The following BRCA1 variants were observed in gnomAD, a reference collection of about 807,000 sequenced individuals.
BRCA1 encodes the protein BRCA1 DNA repair associated.
In BRCA1, 140 loss-of-function variants were observed where a neutral mutation model predicts 173.7. The observed-to-expected ratio is 0.81, with a 90% CI of 0.70 to 0.93. The LOEUF is 0.93. Among genes scored for constraint, BRCA1 ranks in the 40% least tolerant of loss-of-function variants. The pLI is 0.00. For missense variants in BRCA1, 1,983 were observed against 2,172.5 expected (o/e 0.91, Z 1.73); for synonymous variants, 662 against 756.0 (o/e 0.88, Z 2.04).
chr17:43,071,251 G>C lies in BRCA1; in HGVS notation c.4676-13C>G, dbSNP rs2153903443. 1.2e-6 allele frequency: 2 copies of C among 1,612,434 alleles called. No individual in the cohort carries two copies. Among genetic ancestry groups the C allele is most frequent in the Non-Finnish European group, 1.7e-6 (2 of 1,178,650 alleles). ...TAAGGGGTTCCCTCTGAAAGGAATG[G>C]GAGAAGTTTAATTTACACAACGATG... On this transcript the variant is annotated splice_polypyrimidine_tract_variant and intron_variant, in intron 14 of 22. Coordinates refer to ENST00000357654, the MANE Select transcript of BRCA1 (RefSeq NM_007294.4).
upstream of BRCA1, among the ~76,000 whole-genome samples, chr17:43,128,165 C>T (rs2055931473): frequency 6.6e-6 from 1 of 152,068 alleles, no homozygotes; most frequent in Non-Finnish European, 1.5e-5. Context: ...TTTGGGTCCG[C>T]ATAGCATTTA....
Position 43,044,611 on chromosome 17 carries a change from G to A in BRCA1, c.*1067C>T, listed in dbSNP as rs1202035572. The A allele has an allele frequency of 2.0e-6, 1 of 503,542 alleles. No homozygotes were observed. Among genetic ancestry groups the A allele is most frequent in the Admixed American group, 2.3e-5 (1 of 43,898 alleles). 31.2% of individuals were successfully genotyped at this position (503,542 alleles called of 1,614,324 possible). A position where few individuals can be genotyped will look rare whatever the true frequency, so the allele number is the denominator to read the frequency against. ...TAGATATGAAATATTCATGCCAGAG[G>A]TCTTATATTTTAAGAGGAATGGATT... On this transcript the variant is annotated 3_prime_UTR_variant, in exon 23 of 23. Transcript: ENST00000357654.
intron 11 of BRCA1, among the ~76,000 whole-genome samples, chr17:43,084,031 ATT>A (rs571319167): frequency 1.1e-4 from 14 of 123,252 alleles, no homozygotes; most frequent in Admixed American, 8.0e-5. Flanking sequence ...TGCCCGACTA[ATT>A]TTTTTTTTTT....
rs138103028 is a variant in BRCA1, at chr17:43,161,884, G to A, written c.-20+8242C>T. The A allele has an allele frequency of 1.9e-4, 29 of 152,178 alleles. No homozygotes were observed. In the East Asian group the frequency reaches 4.2e-3, roughly 22 times the overall value. 9.4% of individuals were successfully genotyped at this position (152,178 alleles called of 1,614,324 possible). A position where few individuals can be genotyped will look rare whatever the true frequency, so the allele number is the denominator to read the frequency against. Reference sequence around the variant, plus strand: ...CAGTGAGAGACTGGGCTACATGCTCGGCTAATTGCAAAAACAAATTTCTTG... The same window carrying A: ...CAGTGAGAGACTGGGCTACATGCTCAGCTAATTGCAAAAACAAATTTCTTG... On this transcript the variant is annotated intron_variant, in intron 1 of 7. Coordinates refer to the BRCA1 transcript ENST00000634433.
chr17:43,064,733 A>G (rs1036385862), intron 16 of BRCA1, among the ~76,000 whole-genome samples: 3 of 151,980 alleles, frequency 2.0e-5, no homozygotes, highest in Admixed American at 1.3e-4. Flanking sequence ...ATTTAGTAAC[A>G]TTTATTACAC....
At chr17:43,126,562 T>C (rs1454819725), upstream of BRCA1, among the ~76,000 whole-genome samples, 1 of 152,192 alleles carries the variant, frequency 6.6e-6, no homozygotes, top group Non-Finnish European at 1.5e-5. Context: ...TTTCCGTGTC[T>C]CCGGACAGCT....
chr17:43,045,152 A>C lies in BRCA1; in HGVS notation c.*526T>G, dbSNP rs1302206311. The C allele has an allele frequency of 1.9e-6, 1 of 534,910 alleles. No individual in the cohort carries two copies. 33.1% of individuals were successfully genotyped at this position (534,910 alleles called of 1,614,324 possible). ...ATACCTGCCTCAGAATTTCCTCCCC[A>C]ATGTTCCACTCCAACATTTGAGAAC... On this transcript the variant is annotated 3_prime_UTR_variant, in exon 23 of 23. Coordinates refer to ENST00000357654, the MANE Select transcript of BRCA1 (RefSeq NM_007294.4).
At chr17:43,100,983 G>A (rs1283959501) in intron 6 of BRCA1, among the ~76,000 whole-genome samples, 5 of 151,040 alleles carry the variant, frequency 3.3e-5, no homozygotes, top group African/African-American at 7.3e-5. Context: ...TGCCTGCCTC[G>A]GCCTCCCAAA....
At position 43,093,385 on chromosome 17, in the gene BRCA1, T is replaced by C. The variant is rs2053817086; in HGVS notation, c.2146A>G (p.Ser716Gly). 1.2e-6 allele frequency: 2 copies of C among 1,613,966 alleles called. No individual in the cohort carries two copies. Among genetic ancestry groups the C allele is most frequent in the South Asian group, 2.2e-5 (2 of 91,084 alleles). ...GGATTGACAAATTCTTTAAGTTCAC[T>C]GGTATTTGAACACTTAGTAAAAGAA... Reference protein sequence around the residue: ...PGSFTKCSNTSELKEFVNPSL... With the variant: ...PGSFTKCSNTGELKEFVNPSL... The change falls in exon 10 of 23, where the codon AGT becomes GGT. Residue 716 changes from serine to glycine, a missense_variant. Coordinates refer to ENST00000357654, the MANE Select transcript of BRCA1 (RefSeq NM_007294.4).
In BRCA1 at chr17:43,045,705, T is replaced by TAGG; in HGVS notation, c.5564_5565insCCT (p.Ile1855_Pro1856insLeu). 6.2e-7 allele frequency: 1 copy of TAGG among 1,613,442 alleles called. No homozygotes were observed. The highest frequency in any genetic ancestry group is 8.5e-7 in the Non-Finnish European group (1 of 1,179,714). ...AGTAGTGGCTGTGGGGGATCTGGGG[T>TAGG]ATCAGGTAGGTGTCCAGCTCCTGGC... On this transcript the variant is annotated inframe_insertion, in exon 23 of 23. Coordinates refer to ENST00000357654, the MANE Select transcript of BRCA1 (RefSeq NM_007294.4).
rs780952576 is a variant in BRCA1 at position 43,094,636 on chromosome 17, C to A, written c.895G>T (p.Val299Leu). The A allele has an allele frequency of 6.2e-7, 1 of 1,614,160 alleles. No homozygotes were observed. The highest frequency in any genetic ancestry group is 1.1e-5 in the South Asian group (1 of 91,080). ...SLLLTKDRMNVEKAEFCNKSK... is the reference protein window; with the variant it reads ...SLLLTKDRMNLEKAEFCNKSK... ...TTATTACAGAATTCAGCCTTTTCTA[C>A]ATTCATTCTGTCTTTAGTGAGTAAT... Residue 299 changes from valine (V) to leucine (L), a missense_variant, in exon 10 of 23, where the codon GTA (valine) becomes TTA (leucine). Val to Leu is a conservative substitution (Grantham distance 32). Coordinates refer to ENST00000357654, the MANE Select transcript of BRCA1 (RefSeq NM_007294.4).
At chr17:43,135,152 C>T (rs1057111032) in intron 1 of BRCA1, among the ~76,000 whole-genome samples, 7 of 152,266 alleles carry the variant, frequency 4.6e-5, no homozygotes, top group South Asian at 4.1e-4. Context: ...CGCCTGAAGA[C>T]GCCTTAGGCG....
chr17:43,073,141 C>T (rs2052530436), intron 14 of BRCA1, among the ~76,000 whole-genome samples: 2 of 151,982 alleles, frequency 1.3e-5, no homozygotes, highest in Admixed American at 6.5e-5. Context: ...AGACCAGCCT[C>T]GGCAACATAA....
At chr17:43,098,440 C>T (rs1390413182) in intron 7 of BRCA1, among the ~76,000 whole-genome samples, 1 of 151,992 alleles carries the variant, frequency 6.6e-6, no homozygotes, top group Non-Finnish European at 1.5e-5. Context: ...CTCATTGTAA[C>T]CTCCGCCTCC....
intron 20 of BRCA1, chr17:43,050,264 T>C (rs2051150217): frequency 7.6e-6 from 3 of 394,924 alleles, no homozygotes; most frequent in South Asian, 1.4e-4. Context: ...GTAAGCTTTA[T>C]AGCAGTCCTA....
intron 20 of BRCA1, among the ~76,000 whole-genome samples, chr17:43,050,851 C>T (rs2051179800): frequency 6.6e-6 from 1 of 152,204 alleles, no homozygotes; most frequent in South Asian, 2.1e-4. Context: ...TAACCACCTT[C>T]ATGCTCTTGA....
At position 43,096,571 on chromosome 17, in the gene BRCA1, CA is replaced by C. The variant is rs34226398; in HGVS notation, c.594-650del. On this transcript the variant is annotated intron_variant, in intron 8 of 22. Transcript: ENST00000357654. ...TGGCAACAGGGCAAGACCCCGTCTC[CA>C]AAAAAAAAAAAAAAAAAACCTGGGT... Among the ~76,000 whole-genome samples, 40,162 of 89,472 alleles carry C rather than the reference CA, an allele frequency of 0.45. 5,175 individuals carry two copies. The highest frequency in any genetic ancestry group is 0.53 in the South Asian group (1,541 of 2,888). The allele number at this position is 89,472 out of a possible 152,430, so 58.7% of individuals were successfully genotyped here.
At chr17:43,078,035 G>A (rs1438404638) in intron 12 of BRCA1, among the ~76,000 whole-genome samples, 4 of 150,874 alleles carry the variant, frequency 2.7e-5, no homozygotes, top group Non-Finnish European at 4.4e-5. Flanking sequence ...GCGCCCGACC[G>A]TTATTTTTCA....
chr17:43,102,691 C>T (rs533807861), intron 6 of BRCA1, among the ~76,000 whole-genome samples: 6 of 151,356 alleles, frequency 4.0e-5, no homozygotes, highest in South Asian at 4.2e-4. Flanking sequence ...CTTGCTTTGC[C>T]GCCCACGCTG....
Sources: gnomAD v4.1 joint callset for allele counts (sites outside exome capture counted in the v4.1 genomes callset) on GRCh38, gnomAD v4.1.1 for gene constraint, MANE v1.5 for transcripts, NCBI Gene and HGNC (gene_info 2026-07-23, HGNC 2026-07-21) for gene names.